NLGN1: variants seen among roughly 807,000 people sequenced by gnomAD.
NLGN1 encodes neuroligin 1, also known as neuroligin-1.
NLGN1 carries 12 observed loss-of-function variants against 65.5 expected under a neutral mutation model. That is an observed-to-expected ratio of 0.18 (90% CI 0.12 to 0.30). The LOEUF (loss-of-function observed/expected upper bound fraction) is 0.30. NLGN1 is among the 10% of genes least tolerant of loss of function. The pLI is 1.00. For synonymous variants in NLGN1, 350 were observed against 359.5 expected, an observed-to-expected ratio of 0.97 and a Z score of 0.30; for missense variants, 750 against 1,007.1, an observed-to-expected ratio of 0.74 and a Z score of 3.46.
chr3:174,043,518 A>G (rs1460749654), intron 4 of NLGN1, among the ~76,000 whole-genome samples: 1 of 152,186 alleles, frequency 6.6e-6, no homozygotes, highest in African/African-American at 2.4e-5. Context: ...AAGGAGCTAC[A>G]GGCCCCATGC....
intron 3 of NLGN1, among the ~76,000 whole-genome samples, chr3:173,796,040 C>T (rs948592901): frequency 1.6e-4 from 24 of 152,178 alleles, no homozygotes; most frequent in South Asian, 8.3e-4. Context: ...TTGAGAAGGA[C>T]GCATTTCTAA....
chr3:173,509,474 A>C (rs1165634256), intron 2 of NLGN1, among the ~76,000 whole-genome samples: 1 of 152,062 alleles, frequency 6.6e-6, no homozygotes. Flanking sequence ...TTAGCTGAGC[A>C]TGGTGGTGTG....
At chr3:173,912,002 TA>T (rs1293961416) in intron 4 of NLGN1, among the ~76,000 whole-genome samples, 1 of 152,212 alleles carries the variant, frequency 6.6e-6, no homozygotes, top group Non-Finnish European at 1.5e-5. Flanking sequence ...CTAAATTTTT[TA>T]CAGAACTTTT....
At chr3:174,225,131 T>C (rs1561330069) in intron 4 of NLGN1, among the ~76,000 whole-genome samples, 1 of 152,186 alleles carries the variant, frequency 6.6e-6, no homozygotes, top group Non-Finnish European at 1.5e-5. Flanking sequence ...GACTGAGATA[T>C]TAGTCACAGC....
rs59051811 is a variant in NLGN1 at position 173,419,020 on chromosome 3, C to CTTTTTTTTT, written c.-389-15964_-389-15956dup. ...TCTGTTCTTTAGCTTTCTTCTTCTT[C>CTTTTTTTTT]TTTTTTTTTTTTTTTTTTTTTTTTT... On this transcript the variant is annotated intron_variant, in intron 1 of 6. Coordinates refer to ENST00000457714, the Ensembl canonical transcript of NLGN1. Among the ~76,000 whole-genome samples, 9 of 12,260 alleles carry CTTTTTTTTT rather than the reference C, an allele frequency of 7.3e-4. 1 individual carries two copies. Among genetic ancestry groups the CTTTTTTTTT allele is most frequent in the East Asian group, 4.0e-3 (1 of 248 alleles). The allele number at this position is 12,260 out of a possible 152,430, so 8.0% of individuals were successfully genotyped here. A position where few individuals can be genotyped will look rare whatever the true frequency, so the allele number is the denominator to read the frequency against.
chr3:173,796,796 T>C (rs1429657696), intron 3 of NLGN1, among the ~76,000 whole-genome samples: 2 of 152,194 alleles, frequency 1.3e-5, no homozygotes, highest in Non-Finnish European at 2.9e-5. Flanking sequence ...GGTTAGAATG[T>C]TGTTAATAAC....
At chr3:173,754,430 C>A (rs1776795240) in intron 3 of NLGN1, among the ~76,000 whole-genome samples, 1 of 152,056 alleles carries the variant, frequency 6.6e-6, no homozygotes, top group Non-Finnish European at 1.5e-5. Flanking sequence ...ACCCAATACT[C>A]CTCATTCTTC....
intron 2 of NLGN1, among the ~76,000 whole-genome samples, chr3:173,507,801 A>G (rs769247601): frequency 6.6e-6 from 1 of 152,156 alleles, no homozygotes; most frequent in Non-Finnish European, 1.5e-5. Context: ...ATACAAAAAA[A>G]TGCAAACAGG....
chr3:173,534,434 C>T (rs971389638), intron 2 of NLGN1, among the ~76,000 whole-genome samples: 2 of 152,120 alleles, frequency 1.3e-5, no homozygotes, highest in East Asian at 3.9e-4. Context: ...CAAACTGGCC[C>T]CAGCTGGGTC....
intron 3 of NLGN1, among the ~76,000 whole-genome samples, chr3:173,782,691 C>CTTTTTTTTTTTT (rs5854538): frequency 6.9e-6 from 1 of 144,680 alleles, no homozygotes; most frequent in African/African-American, 2.5e-5. Context: ...CAAAGCTTAC[C>CTTTTTTTTTTTT]TTTTTTTTTT....
rs148677856 is a variant in NLGN1, at chr3:174,128,984, C to T, written c.647-146331C>T. 4.2e-3 allele frequency among the ~76,000 whole-genome samples: 640 copies of T among 152,160 alleles called. 2 individuals carry two copies. Among genetic ancestry groups the T allele is most frequent in the South Asian group, 0.015 (70 of 4,822 alleles). ...CATCCTTGTCCTGTGGAGAGCAGAACGTTGCATCTGTTTGGGTCATTACCT... is the reference window on the plus strand; with the variant it reads ...CATCCTTGTCCTGTGGAGAGCAGAATGTTGCATCTGTTTGGGTCATTACCT... On this transcript the variant is annotated intron_variant, in intron 4 of 6. Transcript: ENST00000457714.
chr3:173,940,525 T>C (rs886080462), intron 4 of NLGN1, among the ~76,000 whole-genome samples: 1 of 152,214 alleles, frequency 6.6e-6, no homozygotes, highest in African/African-American at 2.4e-5. Context: ...AATATTTATA[T>C]AAAACTACAG....
chr3:174,180,891 T>C (rs1730279461), intron 4 of NLGN1: 1 of 148,452 alleles, frequency 6.7e-6, no homozygotes, highest in Non-Finnish European at 1.5e-5. Flanking sequence ...AGAATGGATA[T>C]GGACTTGCTT....
intron 4 of NLGN1, among the ~76,000 whole-genome samples, chr3:174,023,458 G>A (rs1279242866): frequency 6.6e-6 from 1 of 152,016 alleles, no homozygotes; most frequent in Non-Finnish European, 1.5e-5. Context: ...TGTTTGCAAG[G>A]GTGAAGAATG....
At chr3:173,448,801 G>T (rs1720893528) in intron 2 of NLGN1, among the ~76,000 whole-genome samples, 1 of 152,162 alleles carries the variant, frequency 6.6e-6, no homozygotes, top group African/African-American at 2.4e-5. Context: ...GAGGGTGTAT[G>T]TGTCGAGGAA....
chr3:173,873,830 G>A (rs1165432595), intron 4 of NLGN1, among the ~76,000 whole-genome samples: 3 of 152,088 alleles, frequency 2.0e-5, no homozygotes, highest in South Asian at 2.1e-4. Context: ...CATATGTTGC[G>A]TACCTAACAT....
intron 4 of NLGN1, among the ~76,000 whole-genome samples, chr3:173,921,086 A>G (rs959416804): frequency 9.3e-5 from 14 of 150,720 alleles, no homozygotes; most frequent in African/African-American, 3.2e-4. Context: ...AACCTCAAAA[A>G]TCCTCCAAAG....
At chr3:174,158,162 A>G (rs1452820760) in intron 4 of NLGN1, among the ~76,000 whole-genome samples, 1 of 151,596 alleles carries the variant, frequency 6.6e-6, no homozygotes, top group Non-Finnish European at 1.5e-5. Context: ...GTTTTCACTC[A>G]CTCCTCAAAT....
intron 4 of NLGN1, among the ~76,000 whole-genome samples, chr3:173,964,623 G>C (rs1250952434): frequency 1.3e-5 from 2 of 152,086 alleles, no homozygotes; most frequent in East Asian, 3.9e-4. Flanking sequence ...AATTTTTCTT[G>C]CTTTCTAAAC....
Sources: gnomAD v4.1 joint callset for allele counts (sites outside exome capture counted in the v4.1 genomes callset) on GRCh38, gnomAD v4.1.1 for gene constraint, MANE v1.5 for transcripts, NCBI Gene and HGNC (gene_info 2026-07-23, HGNC 2026-07-21) for gene names.